Variants in GRID1 observed in about 807,000 individuals in gnomAD.
The protein encoded by GRID1 is glutamate ionotropic receptor delta type subunit 1.
GRID1 carries 28 observed loss-of-function variants against 98.0 expected under a neutral mutation model. The observed-to-expected ratio is 0.29, with a 90% CI of 0.21 to 0.39. The LOEUF (loss-of-function observed/expected upper bound fraction) is 0.39. GRID1 is among the 10% of genes least tolerant of loss of function. The probability of loss-of-function intolerance (pLI) is 1.00; values close to 1 mark genes in which losing one functional copy is unlikely to be tolerated. For missense variants in GRID1, 1,111 were observed against 1,340.5 expected (o/e 0.83, Z 2.67); for synonymous variants, 553 against 538.5 (o/e 1.03, Z -0.37).
At chr10:85,822,234 A>C (rs1259553871) in intron 8 of GRID1, among the ~76,000 whole-genome samples, 1 of 152,214 alleles carries the variant, frequency 6.6e-6, no homozygotes, top group South Asian at 2.1e-4. Flanking sequence ...ACAAACTACC[A>C]TCAGAGTGAA....
Position 85,624,040 on chromosome 10 carries a change from C to T in GRID1, c.2194-4007G>A, listed in dbSNP as rs970254762. Among the ~76,000 whole-genome samples, 4 of 152,284 alleles carry T rather than the reference C, an allele frequency of 2.6e-5. No individual in the cohort carries two copies. In the South Asian group the frequency reaches 8.3e-4, roughly 32 times the overall value. On this transcript the variant is annotated intron_variant, in intron 13 of 15. Transcript: ENST00000327946. Reference sequence around the variant, plus strand: ...TATTTTTTGCCACTTCCTATTCAAACCAACTCCTTCTTCCTGTATCTCCCA... The same window carrying T: ...TATTTTTTGCCACTTCCTATTCAAATCAACTCCTTCTTCCTGTATCTCCCA...
intron 8 of GRID1, among the ~76,000 whole-genome samples, chr10:85,832,520 C>T (rs1226346470): frequency 6.6e-6 from 1 of 152,066 alleles, no homozygotes; most frequent in Non-Finnish European, 1.5e-5. Flanking sequence ...CTTCCAAAAA[C>T]CCATCAGTGT....
At chr10:86,095,112 T>C (rs964080125) in intron 4 of GRID1, among the ~76,000 whole-genome samples, 1 of 152,020 alleles carries the variant, frequency 6.6e-6, no homozygotes. Context: ...ACCTCCCTAA[T>C]TCATTTTCAA....
chr10:86,166,018 C>T (rs573669187), intron 3 of GRID1, among the ~76,000 whole-genome samples: 13 of 152,336 alleles, frequency 8.5e-5, no homozygotes, highest in East Asian at 5.8e-4. Context: ...ACATTCATTA[C>T]GGCTTGGCTA....
chr10:86,339,699 C>A (rs1174684428), intron 2 of GRID1, among the ~76,000 whole-genome samples: 1 of 152,170 alleles, frequency 6.6e-6, no homozygotes, highest in African/African-American at 2.4e-5. Context: ...AGTCAGCAGA[C>A]CAAAGTGACC....
intron 12 of GRID1, among the ~76,000 whole-genome samples, chr10:85,711,952 A>C (rs1051135841): frequency 2.6e-5 from 4 of 151,744 alleles, no homozygotes; most frequent in African/African-American, 9.7e-5. Context: ...TTAAGATGTT[A>C]ATTGTAGTGT....
chr10:86,143,140 G>C (rs1183233049), intron 3 of GRID1, among the ~76,000 whole-genome samples: 1 of 152,172 alleles, frequency 6.6e-6, no homozygotes, highest in Admixed American at 6.5e-5. Context: ...TGTTCCTGAG[G>C]GACAGCAGCC....
intron 5 of GRID1, among the ~76,000 whole-genome samples, chr10:85,872,296 A>C (rs888778230): frequency 1.1e-4 from 17 of 152,322 alleles, no homozygotes; most frequent in African/African-American, 4.1e-4. Context: ...TAAATTATGC[A>C]CAAAAGAGAG....
At position 85,876,590 on chromosome 10, in the gene GRID1, C is replaced by A. The variant is rs184910812; in HGVS notation, c.781-7410G>T. 1.9e-3 allele frequency among the ~76,000 whole-genome samples: 291 copies of A among 152,234 alleles called. 1 individual carries two copies. Among genetic ancestry groups the A allele is most frequent in the Admixed American group, 5.6e-3 (85 of 15,296 alleles). On this transcript the variant is annotated intron_variant, in intron 5 of 15. Transcript: ENST00000327946. ...TATCTTTGGAGTCCATTATTCAGCC[C>A]ACTGCATCCAGATATTAAGAATCAT...
chr10:85,900,610 G>A (rs1382337084), intron 5 of GRID1, among the ~76,000 whole-genome samples: 2 of 152,190 alleles, frequency 1.3e-5, no homozygotes, highest in Non-Finnish European at 2.9e-5. Context: ...TGATTCCATA[G>A]CAATGGCAGG....
At chr10:86,103,496 G>A (rs1844329878) in intron 4 of GRID1, among the ~76,000 whole-genome samples, 1 of 152,204 alleles carries the variant, frequency 6.6e-6, no homozygotes, top group Non-Finnish European at 1.5e-5. Flanking sequence ...TGCACCCCCA[G>A]GCCACAGGCC....
intron 4 of GRID1, among the ~76,000 whole-genome samples, chr10:85,979,001 T>C (rs1159831449): frequency 1.3e-5 from 2 of 152,198 alleles, no homozygotes; most frequent in Non-Finnish European, 2.9e-5. Flanking sequence ...CATGACTTGT[T>C]TCTTCTTGTA....
intron 4 of GRID1, among the ~76,000 whole-genome samples, chr10:86,132,299 C>G (rs759089591): frequency 2.0e-5 from 3 of 152,198 alleles, no homozygotes; most frequent in South Asian, 2.1e-4. Context: ...TCTCTGTTCC[C>G]TTCCTGAACT....
chr10:85,831,714 C>G (rs1266496670), intron 8 of GRID1, among the ~76,000 whole-genome samples: 1 of 151,824 alleles, frequency 6.6e-6, no homozygotes, highest in African/African-American at 2.4e-5. Context: ...TCTAATAAAC[C>G]CTGGGTCAAA....
chr10:85,920,135 A>G (rs1306284654), intron 4 of GRID1, among the ~76,000 whole-genome samples: 1 of 152,014 alleles, frequency 6.6e-6, no homozygotes, highest in Non-Finnish European at 1.5e-5. Flanking sequence ...GGCTTCCTTT[A>G]TGTTCCTGTT....
chr10:85,763,401 C>G (rs1296522032), intron 8 of GRID1, among the ~76,000 whole-genome samples: 1 of 152,176 alleles, frequency 6.6e-6, no homozygotes. Context: ...CTCACCAAAG[C>G]CCCTGGCACA....
chr10:86,300,041 A>T (rs1277895004), intron 2 of GRID1, among the ~76,000 whole-genome samples: 1 of 152,202 alleles, frequency 6.6e-6, no homozygotes, highest in African/African-American at 2.4e-5. Flanking sequence ...AGATGAGGTC[A>T]TATTAGATTA....
intron 3 of GRID1, among the ~76,000 whole-genome samples, chr10:86,149,658 G>A (rs1040932867): frequency 6.6e-5 from 10 of 152,168 alleles, no homozygotes; most frequent in African/African-American, 2.2e-4. Context: ...AACACACCAC[G>A]CTGCATTAAG....
At chr10:86,045,325 G>A (rs995450531) in intron 4 of GRID1, among the ~76,000 whole-genome samples, 2 of 151,112 alleles carry the variant, frequency 1.3e-5, no homozygotes, top group East Asian at 2.0e-4. Context: ...TTTTTGGACC[G>A]AGGTCTCGAA....
Sources: allele counts gnomAD v4.1 joint callset (sites outside exome capture counted in the v4.1 genomes callset), GRCh38; gene constraint gnomAD v4.1.1; transcripts MANE v1.5; gene names NCBI Gene and HGNC (gene_info 2026-07-23, HGNC 2026-07-21).